GLIS3: variants seen among roughly 807,000 people sequenced by gnomAD.
GLIS3 encodes zinc finger protein GLIS3.
A neutral mutation model predicts 78.6 loss-of-function variants in GLIS3; 53 were observed. That is an observed-to-expected ratio of 0.67 (90% CI 0.54 to 0.85). GLIS3 has a LOEUF of 0.85. Among genes scored for constraint, GLIS3 ranks in the 40% least tolerant of loss-of-function variants. The probability of loss-of-function intolerance (pLI) is 0.00; values close to 1 mark genes in which losing one functional copy is unlikely to be tolerated. For missense variants in GLIS3, 1,703 were observed against 1,231.1 expected (o/e 1.38, Z -5.74); for synonymous variants, 684 against 509.9 (o/e 1.34, Z -4.60).
chr9:4,442,718 T>C, the GLIS3 span, among the ~76,000 whole-genome samples: 3 of 152,182 alleles, frequency 2.0e-5, no homozygotes, highest in Admixed American at 6.5e-5. Context: ...TTATTTGTTA[T>C]TAATCCATTT....
intron 4 of GLIS3, among the ~76,000 whole-genome samples, chr9:3,992,972 G>A (rs1314160508): frequency 1.3e-5 from 2 of 152,120 alleles, no homozygotes; most frequent in African/African-American, 2.4e-5. Context: ...GTGTGACATG[G>A]AGCCAACCAG....
At chr9:4,327,797 C>T (rs1321530458) in intron 2 of GLIS3, among the ~76,000 whole-genome samples, 3 of 152,166 alleles carry the variant, frequency 2.0e-5, no homozygotes, top group African/African-American at 7.2e-5. Flanking sequence ...TCTCCCTGGA[C>T]CTGGGCCTAA....
At chr9:3,989,368 T>A (rs548920644) in intron 4 of GLIS3, among the ~76,000 whole-genome samples, 145 of 152,312 alleles carry the variant, frequency 9.5e-4, no homozygotes, top group Middle Eastern at 6.8e-3. Flanking sequence ...AATTACCATA[T>A]GACCCAGTAA....
the GLIS3 span, among the ~76,000 whole-genome samples, chr9:4,392,565 G>T: frequency 4.6e-5 from 7 of 152,242 alleles, no homozygotes; most frequent in African/African-American, 1.4e-4. Context: ...CCAAACCTTA[G>T]ATTCTAACAG....
intron 8 of GLIS3, among the ~76,000 whole-genome samples, chr9:3,875,844 T>A (rs1459650542): frequency 6.6e-6 from 1 of 152,158 alleles, no homozygotes; most frequent in Non-Finnish European, 1.5e-5. Flanking sequence ...GTCCATTTCA[T>A]TCTCCCATCA....
At chr9:4,391,950 C>T in the GLIS3 span, among the ~76,000 whole-genome samples, 23 of 152,250 alleles carry the variant, frequency 1.5e-4, no homozygotes, top group South Asian at 1.0e-3. Flanking sequence ...TATATGCATG[C>T]GTATGTTCAT....
At chr9:3,853,831 A>G (rs375229794) in intron 9 of GLIS3, among the ~76,000 whole-genome samples, 1 of 152,240 alleles carries the variant, frequency 6.6e-6, no homozygotes. Flanking sequence ...TCTTCTACAC[A>G]TAGGTCAATT....
At chr9:4,215,095 A>G (rs1378556513) in intron 2 of GLIS3, among the ~76,000 whole-genome samples, 1 of 152,220 alleles carries the variant, frequency 6.6e-6, no homozygotes, top group Non-Finnish European at 1.5e-5. Flanking sequence ...AGAGTGGAGC[A>G]AAGAAGGGAG....
At chr9:3,905,130 G>A (rs530135551) in intron 6 of GLIS3, among the ~76,000 whole-genome samples, 4 of 140,552 alleles carry the variant, frequency 2.8e-5, no homozygotes, top group East Asian at 4.2e-4. Context: ...CTGCCGCCAC[G>A]CCCGGTTAAA....
chr9:4,022,333 G>C (rs1822957510), intron 4 of GLIS3, among the ~76,000 whole-genome samples: 1 of 152,080 alleles, frequency 6.6e-6, no homozygotes, highest in South Asian at 2.1e-4. Context: ...TCATATTTTA[G>C]GTTTTCCCCC....
At chr9:4,488,419 C>T in the GLIS3 span, among the ~76,000 whole-genome samples, 10 of 152,118 alleles carry the variant, frequency 6.6e-5, no homozygotes, top group Non-Finnish European at 7.4e-5. Flanking sequence ...TGTTGCTTGG[C>T]AGTTCCATAA....
At chr9:4,331,382 A>T (rs892862676) in intron 2 of GLIS3, among the ~76,000 whole-genome samples, 2 of 98,318 alleles carry the variant, frequency 2.0e-5, no homozygotes, top group Non-Finnish European at 5.7e-5. Flanking sequence ...AACTAATTCC[A>T]TCTAGACCCT....
At chr9:4,158,662 A>C (rs748682514) in intron 2 of GLIS3, among the ~76,000 whole-genome samples, 16 of 152,248 alleles carry the variant, frequency 1.1e-4, no homozygotes, top group Non-Finnish European at 2.1e-4. Context: ...TTGTCCATCC[A>C]TTAATTCAAT....
Position 4,068,821 on chromosome 9 carries a change from C to T in GLIS3, c.1710+48947G>A, listed in dbSNP as rs145323663. 4.1e-3 allele frequency among the ~76,000 whole-genome samples: 555 copies of T among 134,404 alleles called. 3 individuals are homozygous for T. Among genetic ancestry groups the T allele is most frequent in the Admixed American group, 8.8e-3 (110 of 12,442 alleles). 88.2% of individuals were successfully genotyped at this position (134,404 alleles called of 152,430 possible). A position where few individuals can be genotyped will look rare whatever the true frequency, so the allele number is the denominator to read the frequency against. The stretch of plus-strand genomic sequence containing the variant: ...TTTTGTTATTTTTTGTGCATGCATG[C>T]ATGCATGTATGCATGTGTGTGTGTG... On this transcript the variant is annotated intron_variant, in intron 4 of 10. Transcript: ENST00000381971.
intron 7 of GLIS3, among the ~76,000 whole-genome samples, chr9:3,881,267 C>T (rs75122793): frequency 9.0e-4 from 137 of 152,166 alleles, no homozygotes; most frequent in Middle Eastern, 6.8e-3. Flanking sequence ...TATGAAAACA[C>T]AGCTAACTTT....
intron 4 of GLIS3, among the ~76,000 whole-genome samples, chr9:4,086,197 A>T (rs1829008455): frequency 6.6e-6 from 1 of 151,690 alleles, no homozygotes; most frequent in Non-Finnish European, 1.5e-5. Flanking sequence ...TGAACATATC[A>T]CTCTTTTGGC....
At chr9:3,860,272 C>CAAAAAAAAAAAAAAA (rs59923144) in intron 8 of GLIS3, among the ~76,000 whole-genome samples, 8 of 53,608 alleles carry the variant, frequency 1.5e-4, no homozygotes, top group East Asian at 6.6e-4. Context: ...AAGACTCTGT[C>CAAAAAAAAAAAAAAA]AAAAAAAAAA....
chr9:4,136,314 T>G (rs1181214120), intron 2 of GLIS3, among the ~76,000 whole-genome samples: 1 of 152,156 alleles, frequency 6.6e-6, no homozygotes, highest in Non-Finnish European at 1.5e-5. Context: ...TTGTACTAGG[T>G]AATTCATCAA....
chr9:4,193,479 A>G (rs1586934765), intron 2 of GLIS3, among the ~76,000 whole-genome samples: 1 of 152,228 alleles, frequency 6.6e-6, no homozygotes, highest in South Asian at 2.1e-4. Context: ...TAGAAGATGG[A>G]TAAAAGAAGG....
Sources: allele counts gnomAD v4.1 joint callset (sites outside exome capture counted in the v4.1 genomes callset), GRCh38; gene constraint gnomAD v4.1.1; transcripts MANE v1.5; gene names NCBI Gene and HGNC (gene_info 2026-07-23, HGNC 2026-07-21).